The following SNX29 variants were observed in gnomAD, a reference collection of about 807,000 sequenced individuals.
The protein encoded by SNX29 is sorting nexin-29.
A neutral mutation model predicts 102.1 loss-of-function variants in SNX29; 78 were observed. The observed-to-expected ratio is 0.76, with a 90% confidence interval of 0.64 to 0.92. The LOEUF is 0.92. SNX29 is among the 40% of genes least tolerant of loss of function. SNX29 has a pLI of 0.00. For missense variants in SNX29, 1,280 were observed against 1,061.7 expected (o/e 1.21, Z -2.86); for synonymous variants, 580 against 414.5 (o/e 1.40, Z -4.85).
intron 20 of SNX29, among the ~76,000 whole-genome samples, chr16:12,542,100 C>G (rs748311253): frequency 1.3e-5 from 2 of 152,094 alleles, no homozygotes; most frequent in East Asian, 3.9e-4. Flanking sequence ...TTGTCTCTTC[C>G]CAACGGATCC....
intron 18 of SNX29, among the ~76,000 whole-genome samples, chr16:12,433,030 T>C (rs1459222825): frequency 1.3e-5 from 2 of 152,150 alleles, no homozygotes; most frequent in African/African-American, 4.8e-5. Flanking sequence ...CCACTAGGAA[T>C]ATGCAGAATG....
intron 18 of SNX29, among the ~76,000 whole-genome samples, chr16:12,462,905 G>T (rs979313543): frequency 4.6e-5 from 7 of 152,200 alleles, no homozygotes; most frequent in Non-Finnish European, 1.0e-4. Flanking sequence ...TGTGACTGCA[G>T]GATGAAGTCA....
intron 16 of SNX29, among the ~76,000 whole-genome samples, chr16:12,385,103 G>C (rs1486072806): frequency 6.6e-6 from 1 of 152,236 alleles, no homozygotes; most frequent in Non-Finnish European, 1.5e-5. Context: ...CCGGGAGGCA[G>C]AGGTTGCAAT....
chr16:12,548,032 G>A (rs558391644), intron 20 of SNX29, among the ~76,000 whole-genome samples: 13 of 152,068 alleles, frequency 8.5e-5, no homozygotes, highest in Non-Finnish European at 1.9e-4. Context: ...TGCTCATATT[G>A]GTAAGGCAAG....
chr16:12,291,394 C>G (rs761939064), intron 15 of SNX29, among the ~76,000 whole-genome samples: 3 of 152,188 alleles, frequency 2.0e-5, no homozygotes, highest in Non-Finnish European at 4.4e-5. Flanking sequence ...GACTTGCTCA[C>G]TGTCACGAGA....
intron 20 of SNX29, among the ~76,000 whole-genome samples, chr16:12,536,956 A>T (rs2077103686): frequency 6.6e-6 from 1 of 152,100 alleles, no homozygotes; most frequent in South Asian, 2.1e-4. Context: ...AGCCTAGGCG[A>T]CAGAGTGAGA....
chr16:12,201,202 C>G (rs1436102721), intron 14 of SNX29, among the ~76,000 whole-genome samples: 5 of 152,142 alleles, frequency 3.3e-5, no homozygotes, highest in Non-Finnish European at 7.4e-5. Flanking sequence ...TTCTCTGTGG[C>G]CTCATGCCCT....
At position 12,069,334 on chromosome 16, in the gene SNX29, C is replaced by T. The variant is rs577268940; in HGVS notation, c.1319+202C>T. On this transcript the variant is annotated intron_variant, in intron 10 of 20. Coordinates refer to ENST00000566228, the MANE Select transcript of SNX29 (RefSeq NM_032167.5). The stretch of plus-strand genomic sequence containing the variant: ...AGGCTAGAGTGCAGTGGCGCAGTCT[C>T]GGCTCACTGCAAACTCCGCCTCCCG... Among the ~76,000 whole-genome samples the T allele has an allele frequency of 5.3e-5, 8 of 152,158 alleles. No homozygotes were observed. The South Asian group carries it at 1.7e-3, about 32-fold the overall frequency.
intron 15 of SNX29, among the ~76,000 whole-genome samples, chr16:12,320,053 C>A (rs955277513): frequency 6.6e-6 from 1 of 152,204 alleles, no homozygotes; most frequent in Non-Finnish European, 1.5e-5. Flanking sequence ...GGAGCTGCCA[C>A]CTCTCTGCAG....
intron 4 of SNX29, among the ~76,000 whole-genome samples, chr16:12,036,493 C>T (rs936602176): frequency 6.6e-6 from 1 of 152,070 alleles, no homozygotes; most frequent in Admixed American, 6.5e-5. Context: ...CGCCACCACG[C>T]CCAGCTAATT....
chr16:12,381,610 TCATC>T (rs1385456166), intron 16 of SNX29, among the ~76,000 whole-genome samples: 4 of 56,210 alleles, frequency 7.1e-5, no homozygotes, highest in Admixed American at 4.2e-4. Flanking sequence ...CACCCATCCA[TCATC>T]CATCCACCCA....
chr16:12,175,933 A>G (rs1183349610), intron 13 of SNX29, among the ~76,000 whole-genome samples: 1 of 152,058 alleles, frequency 6.6e-6, no homozygotes, highest in East Asian at 1.9e-4. Context: ...TTGAGCCCAG[A>G]AGTTGGAGGT....
chr16:12,469,046 C>T (rs371035728), intron 18 of SNX29, among the ~76,000 whole-genome samples: 6 of 152,286 alleles, frequency 3.9e-5, no homozygotes, highest in East Asian at 3.9e-4. Flanking sequence ...GCTACAGTTA[C>T]GGTACCACGG....
At chr16:12,475,750 T>A (rs2087563261) in intron 18 of SNX29, among the ~76,000 whole-genome samples, 1 of 152,200 alleles carries the variant, frequency 6.6e-6, no homozygotes. Flanking sequence ...AAATTTGAAG[T>A]GTGGTTTCTA....
intron 13 of SNX29, among the ~76,000 whole-genome samples, chr16:12,139,048 A>G (rs1241670673): frequency 2.0e-5 from 3 of 152,046 alleles, no homozygotes; most frequent in African/African-American, 7.2e-5. Context: ...CCAAAAATAC[A>G]AAAATTAGCT....
At chr16:12,531,439 C>G (rs1183120785) in intron 20 of SNX29, among the ~76,000 whole-genome samples, 2 of 152,182 alleles carry the variant, frequency 1.3e-5, no homozygotes, top group South Asian at 2.1e-4. Context: ...GAGGGCCTGA[C>G]CCAGATGGCC....
intron 19 of SNX29, among the ~76,000 whole-genome samples, chr16:12,502,143 G>C (rs1173542236): frequency 6.6e-6 from 1 of 152,182 alleles, no homozygotes; most frequent in Admixed American, 6.5e-5. Flanking sequence ...TGCGAGACTT[G>C]GAAGTGAAGC....
chr16:12,050,014 T>A (rs953172362), intron 7 of SNX29, among the ~76,000 whole-genome samples: 5 of 152,228 alleles, frequency 3.3e-5, no homozygotes, highest in African/African-American at 1.2e-4. Context: ...ATGGTGAAAG[T>A]GTAGAGTCCC....
At chr16:12,543,310 G>A (rs147599947) in intron 20 of SNX29, among the ~76,000 whole-genome samples, 96 of 152,298 alleles carry the variant, frequency 6.3e-4, no homozygotes, top group African/African-American at 2.2e-3. Context: ...GGGGAATGGA[G>A]CACCTTGATT....
Sources: gnomAD v4.1 joint callset for allele counts (sites outside exome capture counted in the v4.1 genomes callset) on GRCh38, gnomAD v4.1.1 for gene constraint, MANE v1.5 for transcripts, NCBI Gene and HGNC (gene_info 2026-07-23, HGNC 2026-07-21) for gene names.